Variants in CDH18 observed in about 807,000 individuals in gnomAD.
The protein encoded by CDH18 is cadherin-18.
A neutral mutation model predicts 67.9 loss-of-function variants in CDH18; 31 were observed. That is an observed-to-expected ratio of 0.46 (90% CI 0.34 to 0.62). The LOEUF (loss-of-function observed/expected upper bound fraction) is 0.62, where lower values mean the gene tolerates loss of function less well. Ranked by LOEUF, CDH18 falls within the 20% of genes least tolerant of loss-of-function variation. The pLI, the probability that CDH18 is intolerant of heterozygous loss-of-function variation, is 0.01. For missense variants in CDH18, 890 were observed against 975.5 expected (o/e 0.91, Z 1.17); for synonymous variants, 362 against 347.2 (o/e 1.04, Z -0.48).
chr5:19,949,071 C>T (rs1392395993), intron 2 of CDH18, among the ~76,000 whole-genome samples: 2 of 152,084 alleles, frequency 1.3e-5, no homozygotes, highest in Non-Finnish European at 2.9e-5. Context: ...AAAGTAAGCA[C>T]AGCTACACAT....
intron 2 of CDH18, among the ~76,000 whole-genome samples, chr5:19,869,359 C>T (rs1328572377): frequency 6.6e-6 from 1 of 152,012 alleles, no homozygotes; most frequent in Non-Finnish European, 1.5e-5. Flanking sequence ...TTCAAGACAA[C>T]TTGGTGTTAA....
chr5:19,927,072 T>C (rs1793172481), intron 2 of CDH18, among the ~76,000 whole-genome samples: 1 of 152,184 alleles, frequency 6.6e-6, no homozygotes, highest in South Asian at 2.1e-4. Context: ...TTACATTAAG[T>C]ACTTCTTGTT....
intron 1 of CDH18, among the ~76,000 whole-genome samples, chr5:20,524,439 T>G (rs2126531792): frequency 6.6e-6 from 1 of 152,322 alleles, no homozygotes; most frequent in Admixed American, 6.5e-5. Flanking sequence ...AGCTCTAAAC[T>G]TTGACAGCAC....
At chr5:19,957,470 A>T (rs1796361946) in intron 2 of CDH18, among the ~76,000 whole-genome samples, 1 of 151,832 alleles carries the variant, frequency 6.6e-6, no homozygotes, top group Admixed American at 6.6e-5. Flanking sequence ...GTATATTTAA[A>T]AATATCTACA....
At chr5:19,600,211 AGG>A in intron 6 of CDH18, among the ~76,000 whole-genome samples, 1 of 66,560 alleles carries the variant, frequency 1.5e-5, no homozygotes, top group Non-Finnish European at 3.0e-5. Flanking sequence ...TGGGTGGGGG[AGG>A]GGGGAGGGAT....
At chr5:19,599,651 C>T (rs1356988409) in intron 6 of CDH18, among the ~76,000 whole-genome samples, 1 of 152,068 alleles carries the variant, frequency 6.6e-6, no homozygotes, top group African/African-American at 2.4e-5. Context: ...GCCTATAATC[C>T]CAGCACTTTG....
chr5:19,912,906 G>C (rs1791310993), intron 2 of CDH18, among the ~76,000 whole-genome samples: 1 of 152,102 alleles, frequency 6.6e-6, no homozygotes, highest in Non-Finnish European at 1.5e-5. Context: ...AGCAGGGTCT[G>C]GGTGATTCTC....
chr5:19,828,817 A>G (rs888993395), intron 3 of CDH18, among the ~76,000 whole-genome samples: 2 of 152,146 alleles, frequency 1.3e-5, no homozygotes, highest in South Asian at 2.1e-4. Context: ...CGGGAGGATC[A>G]CTTAAGGTCA....
chr5:19,977,017 G>T (rs1481235793), intron 2 of CDH18, among the ~76,000 whole-genome samples: 1 of 152,072 alleles, frequency 6.6e-6, no homozygotes, highest in African/African-American at 2.4e-5. Flanking sequence ...GGTGTAAGTG[G>T]ATAAACAAAT....
chr5:19,838,627 T>G, intron 3 of CDH18, 132 bp downstream of exon 3: 1 of 625,986 alleles, frequency 1.6e-6, no homozygotes, highest in East Asian at 2.7e-5. Context: ...AGTAGTAGTT[T>G]CTATAGCGTA....
intron 2 of CDH18, among the ~76,000 whole-genome samples, chr5:19,916,512 C>T (rs1791810538): frequency 1.3e-5 from 2 of 152,142 alleles, no homozygotes; most frequent in African/African-American, 2.4e-5. Flanking sequence ...CACTTTCTAA[C>T]CTGCACATCT....
At chr5:20,270,113 A>G (rs1381557986) in intron 1 of CDH18, among the ~76,000 whole-genome samples, 1 of 151,988 alleles carries the variant, frequency 6.6e-6, no homozygotes, top group Non-Finnish European at 1.5e-5. Flanking sequence ...TACATAAACA[A>G]GGAAAAGTAA....
chr5:20,464,802 C>T (rs927654456), intron 1 of CDH18, among the ~76,000 whole-genome samples: 7 of 151,964 alleles, frequency 4.6e-5, no homozygotes, highest in African/African-American at 1.7e-4. Flanking sequence ...GGAGACAATG[C>T]TATAAATAAA....
intron 1 of CDH18, among the ~76,000 whole-genome samples, chr5:20,549,495 A>G (rs1365918696): frequency 6.6e-6 from 1 of 152,152 alleles, no homozygotes; most frequent in Non-Finnish European, 1.5e-5. Context: ...GATTTACTAC[A>G]GTAGGTTATA....
At chr5:19,939,494 G>A (rs1794615015) in intron 2 of CDH18, among the ~76,000 whole-genome samples, 1 of 151,610 alleles carries the variant, frequency 6.6e-6, no homozygotes, top group Non-Finnish European at 1.5e-5. Context: ...TTTCACCACT[G>A]CATCACTGAT....
intron 1 of CDH18, among the ~76,000 whole-genome samples, chr5:20,534,829 G>GTATGTATTTATT (rs1554015669): frequency 6.4e-4 from 95 of 148,104 alleles, no homozygotes; most frequent in African/African-American, 2.3e-3. Flanking sequence ...CTAAATACAT[G>GTATGTATTTATT]TATTTATTTA....
At chr5:20,037,254 G>A (rs551489605) in intron 2 of CDH18, among the ~76,000 whole-genome samples, 227 of 152,022 alleles carry the variant, frequency 1.5e-3, no homozygotes, top group African/African-American at 4.8e-3. Context: ...AGCTGATACC[G>A]GTATTTCCTT....
At chr5:20,283,382 G>A (rs1046050452) in intron 1 of CDH18, among the ~76,000 whole-genome samples, 2 of 152,004 alleles carry the variant, frequency 1.3e-5, no homozygotes, top group African/African-American at 2.4e-5. Context: ...AGTATATAAG[G>A]AGTGTGAACA....
chr5:20,281,965 C>A (rs1224322623), intron 1 of CDH18, among the ~76,000 whole-genome samples: 1 of 152,066 alleles, frequency 6.6e-6, no homozygotes, highest in Admixed American at 6.6e-5. Flanking sequence ...CTTTTCTTCT[C>A]TTTGAAGCAA....
Sources: allele counts gnomAD v4.1 joint callset (sites outside exome capture counted in the v4.1 genomes callset), GRCh38; gene constraint gnomAD v4.1.1; transcripts MANE v1.5; gene names NCBI Gene and HGNC (gene_info 2026-07-23, HGNC 2026-07-21).